ROBO2: variants seen among roughly 807,000 people sequenced by gnomAD.
ROBO2 encodes roundabout guidance receptor 2.
ROBO2 carries 53 observed loss-of-function variants against 160.8 expected under a neutral mutation model. That is an observed-to-expected ratio of 0.33 (90% CI 0.26 to 0.41). ROBO2 has a LOEUF of 0.41. ROBO2 is among the 10% of genes least tolerant of loss of function. The probability of loss-of-function intolerance (pLI) is 1.00; values close to 1 mark genes in which losing one functional copy is unlikely to be tolerated. For missense variants in ROBO2, 1,577 were observed against 1,722.4 expected (o/e 0.92, Z 1.49); for synonymous variants, 664 against 611.7 (o/e 1.09, Z -1.26).
At chr3:77,135,689 C>T (rs1221428578) in intron 2 of ROBO2, among the ~76,000 whole-genome samples, 3 of 151,992 alleles carry the variant, frequency 2.0e-5, no homozygotes, top group Non-Finnish European at 4.4e-5. Flanking sequence ...GATTTACAAG[C>T]GTGAGCCACC....
intron 1 of ROBO2, among the ~76,000 whole-genome samples, chr3:77,070,963 T>C (rs1295554424): frequency 2.6e-5 from 4 of 152,110 alleles, no homozygotes; most frequent in Non-Finnish European, 4.4e-5. Flanking sequence ...CACCAGGGTG[T>C]AATGAATGGT....
chr3:76,276,042 T>A (rs1707900069), intron 2 of ROBO2, among the ~76,000 whole-genome samples: 1 of 151,942 alleles, frequency 6.6e-6, no homozygotes, highest in Non-Finnish European at 1.5e-5. Flanking sequence ...TATAAGTACA[T>A]CTTGCTGACA....
intron 2 of ROBO2, among the ~76,000 whole-genome samples, chr3:76,807,972 G>C (rs561482799): frequency 6.6e-6 from 1 of 151,758 alleles, no homozygotes; most frequent in African/African-American, 2.4e-5. Flanking sequence ...AAATATGTAG[G>C]CAGTTAAGCT....
rs114129858 is a variant in ROBO2, at chr3:76,699,939, C to T, written c.110-398075C>T. 1.0e-3 allele frequency among the ~76,000 whole-genome samples: 155 copies of T among 152,172 alleles called. 1 individual carries two copies. The highest frequency in any genetic ancestry group is 3.5e-3 in the African/African-American group (146 of 41,530). On this transcript the variant is annotated intron_variant, in intron 2 of 26. Transcript: ENST00000487694. ...GAATGTCTCCTGTTGAGGCACAGAG[C>T]ATGGTAAATGCAACTTATGGCCTCA... is the stretch of plus-strand genomic sequence containing the variant.
intron 2 of ROBO2, among the ~76,000 whole-genome samples, chr3:76,022,580 A>C (rs550057291): frequency 6.6e-6 from 1 of 151,740 alleles, no homozygotes; most frequent in Admixed American, 6.6e-5. Flanking sequence ...TTGGGTGTTC[A>C]GGTACATTGT....
At chr3:76,639,270 G>A (rs1397003796) in intron 2 of ROBO2, among the ~76,000 whole-genome samples, 1 of 151,332 alleles carries the variant, frequency 6.6e-6, no homozygotes, top group Non-Finnish European at 1.5e-5. Flanking sequence ...ATGTTTATAT[G>A]TACATATACA....
At chr3:77,540,577 G>A (rs551398640) in intron 6 of ROBO2, among the ~76,000 whole-genome samples, 1 of 151,988 alleles carries the variant, frequency 6.6e-6, no homozygotes, top group Non-Finnish European at 1.5e-5. Flanking sequence ...GGGGGCAGTG[G>A]GGGCGCGCAG....
intron 2 of ROBO2, among the ~76,000 whole-genome samples, chr3:75,980,706 A>C (rs1207721091): frequency 2.0e-5 from 3 of 151,666 alleles, no homozygotes; most frequent in Non-Finnish European, 4.4e-5. Context: ...TCTGAAGAGG[A>C]TCTGACTGGA....
chr3:76,898,644 G>A (rs970904676), intron 2 of ROBO2, among the ~76,000 whole-genome samples: 2 of 152,010 alleles, frequency 1.3e-5, no homozygotes, highest in South Asian at 2.1e-4. Context: ...GGAGTCAACC[G>A]ACCCCCATAA....
At chr3:76,548,907 T>C (rs539581293) in intron 2 of ROBO2, among the ~76,000 whole-genome samples, 8 of 152,270 alleles carry the variant, frequency 5.3e-5, no homozygotes, top group Admixed American at 3.9e-4. Flanking sequence ...CCATGGATTA[T>C]AGTGAAGACT....
chr3:77,317,502 T>A, intron 2 of ROBO2: 13 of 1,468,202 alleles, frequency 8.9e-6, no homozygotes, highest in African/African-American at 1.4e-5. Context: ...CGATCCATCC[T>A]CAGATTTCGT....
At chr3:77,387,088 C>T (rs1482846181) in intron 2 of ROBO2, among the ~76,000 whole-genome samples, 1 of 151,942 alleles carries the variant, frequency 6.6e-6, no homozygotes, top group Non-Finnish European at 1.5e-5. Flanking sequence ...AGCCTCGGCC[C>T]CATTCATGAA....
chr3:76,999,752 C>G (rs1286042856), intron 2 of ROBO2, among the ~76,000 whole-genome samples: 1 of 152,194 alleles, frequency 6.6e-6, no homozygotes, highest in Non-Finnish European at 1.5e-5. Flanking sequence ...CTTTCTGCCA[C>G]TGTTGAGGCT....
At chr3:76,170,371 T>C (rs930960822) in intron 2 of ROBO2, among the ~76,000 whole-genome samples, 10 of 152,196 alleles carry the variant, frequency 6.6e-5, no homozygotes, top group Admixed American at 4.6e-4. Flanking sequence ...AGAATAACTT[T>C]TTACGTGCAG....
At chr3:76,802,252 C>T (rs1338464978) in intron 2 of ROBO2, among the ~76,000 whole-genome samples, 3 of 152,208 alleles carry the variant, frequency 2.0e-5, no homozygotes, top group Non-Finnish European at 4.4e-5. Flanking sequence ...AGTGCAATAT[C>T]TGCAGAGTGC....
At chr3:75,924,681 CTTT>C (rs60599175) in intron 1 of ROBO2, among the ~76,000 whole-genome samples, 40 of 66,012 alleles carry the variant, frequency 6.1e-4, no homozygotes, top group African/African-American at 2.6e-3. Context: ...ATTTTCTTTT[CTTT>C]TTTTTTTTTT....
intron 2 of ROBO2, among the ~76,000 whole-genome samples, chr3:76,079,992 A>C (rs1432375099): frequency 1.3e-5 from 2 of 152,232 alleles, no homozygotes; most frequent in Non-Finnish European, 2.9e-5. Context: ...GGAATACATA[A>C]GAATGAGATA....
At chr3:76,272,761 A>ATTATATACACATATAAAT (rs1559705263) in intron 2 of ROBO2, among the ~76,000 whole-genome samples, 9 of 83,448 alleles carry the variant, frequency 1.1e-4, no homozygotes, top group Non-Finnish European at 1.7e-4. Flanking sequence ...ATAAATATAT[A>ATTATATACACATATAAAT]ATATATATTT....
At chr3:76,767,666 A>C (rs1276875426) in intron 2 of ROBO2, among the ~76,000 whole-genome samples, 1 of 151,564 alleles carries the variant, frequency 6.6e-6, no homozygotes, top group Admixed American at 6.6e-5. Flanking sequence ...GACTTTGTAG[A>C]GTGTAATGCT....
Sources: gnomAD v4.1 joint callset for allele counts (sites outside exome capture counted in the v4.1 genomes callset) on GRCh38, gnomAD v4.1.1 for gene constraint, MANE v1.5 for transcripts, NCBI Gene and HGNC (gene_info 2026-07-23, HGNC 2026-07-21) for gene names.